Variants in C16orf95 observed in about 807,000 individuals in gnomAD.
The protein encoded by C16orf95 is uncharacterized protein C16orf95.
In C16orf95, 41 loss-of-function variants were observed where a neutral mutation model predicts 32.1. The observed-to-expected ratio is 1.28, with a 90% CI of 1.00 to 1.66. C16orf95 has a LOEUF of 1.66. Ranked by LOEUF, C16orf95 falls within the 40% of genes most tolerant of loss-of-function variation. The probability of loss-of-function intolerance (pLI) is 0.00; values close to 1 mark genes in which losing one functional copy is unlikely to be tolerated. For synonymous variants in C16orf95, 147 were observed against 128.9 expected, an observed-to-expected ratio of 1.14 and a Z score of -0.95; for missense variants, 399 against 325.9, an observed-to-expected ratio of 1.22 and a Z score of -1.73.
At chr16:87,304,921 G>A (rs1910942853) in intron 6 of C16orf95, among the ~76,000 whole-genome samples, 1 of 152,232 alleles carries the variant, frequency 6.6e-6, no homozygotes, top group Non-Finnish European at 1.5e-5. Flanking sequence ...GAGACAACGA[G>A]CAAACAAGTA....
intron 3 of C16orf95, among the ~76,000 whole-genome samples, chr16:87,311,843 A>G (rs754040532): frequency 6.6e-6 from 1 of 152,184 alleles, no homozygotes; most frequent in Non-Finnish European, 1.5e-5. Context: ...TCAGGAGTGA[A>G]TGGACAGCCC....
Position 87,311,315 on chromosome 16 carries a change from G to A in C16orf95, c.331-19C>T. The A allele has an allele frequency of 6.6e-7, 1 of 1,515,220 alleles. No individual in the cohort carries two copies. The highest frequency in any genetic ancestry group is 8.8e-7 in the Non-Finnish European group (1 of 1,131,800). 93.9% of individuals were successfully genotyped at this position (1,515,220 alleles called of 1,614,324 possible). On this transcript the variant is annotated intron_variant, in intron 3 of 6. Coordinates refer to ENST00000567970, the MANE Select transcript of C16orf95 (RefSeq NM_001195124.3). ...TTTGACTCTAACAGAGAGGATGGGA[G>A]GAGAAGATTCAGAAGGGGATGGAGC...
chr16:87,309,591 C>G (rs1268174136), intron 5 of C16orf95, among the ~76,000 whole-genome samples: 1 of 151,844 alleles, frequency 6.6e-6, no homozygotes, highest in East Asian at 1.9e-4. Flanking sequence ...ACTATGTTGC[C>G]CAGGCTGGTC....
chr16:87,305,846 G>A lies in C16orf95; in HGVS notation c.574C>T (p.Leu192=). The change falls in exon 6 of 7, where the codon CTG becomes TTG. Residue 192 remains leucine, a synonymous_variant. Transcript: ENST00000567970. This position sits in a 1 kb window ranked among gnomAD's most constrained non-coding sequence, Gnocchi z 4.2. ...NCWRICGDEC[L]LSKFQQLQAP... is the part of the protein sequence containing the mutation. Reference sequence around the variant, plus strand: ...TGGAGCTGCTGGAACTTGGACAACAGGCACTCATCACCGCAGATCCGCCAG... The same window carrying A: ...TGGAGCTGCTGGAACTTGGACAACAAGCACTCATCACCGCAGATCCGCCAG... The A allele has an allele frequency of 6.8e-7, 1 of 1,481,346 alleles. No homozygotes were observed. The highest frequency in any genetic ancestry group is 2.6e-5 in the East Asian group (1 of 37,966). The allele number at this position is 1,481,346 out of a possible 1,614,324, so 91.8% of individuals were successfully genotyped here.
chr16:87,310,270 T>C, intron 5 of C16orf95, 27 bp downstream of exon 5: 2 of 1,535,636 alleles, frequency 1.3e-6, no homozygotes, highest in Non-Finnish European at 1.7e-6. Flanking sequence ...AGGGGGATGA[T>C]ATGAGACACA....
Position 87,302,976 on chromosome 16 carries a change from C to G in C16orf95, c.*81G>C. The G allele has an allele frequency of 7.1e-7, 1 of 1,407,312 alleles. No individual in the cohort carries two copies. The highest frequency in any genetic ancestry group is 1.2e-5 in the South Asian group (1 of 81,482). 87.2% of individuals were successfully genotyped at this position (1,407,312 alleles called of 1,614,324 possible). On this transcript the variant is annotated 3_prime_UTR_variant, in exon 7 of 7. Coordinates refer to ENST00000567970, the MANE Select transcript of C16orf95 (RefSeq NM_001195124.3). ...AGAAGACAGCGACTGTCACAGACGC[C>G]TCCTGATTGGTGGACTCTCAAAGAT...
At chr16:87,310,398 T>A (rs145180618) in intron 4 of C16orf95, 65 bp from the exon 5 acceptor site, 3 of 1,492,306 alleles carry the variant, frequency 2.0e-6, no homozygotes, top group Non-Finnish European at 2.7e-6. Flanking sequence ...GGCCTGGTGA[T>A]TGGGACTCCA....
Position 87,317,251 on chromosome 16 carries a change from T to G in C16orf95, c.-9A>C. 1.3e-6 allele frequency: 2 copies of G among 1,515,104 alleles called. No homozygotes were observed. Among genetic ancestry groups the G allele is most frequent in the Non-Finnish European group, 1.8e-6 (2 of 1,135,734 alleles). 93.9% of individuals were successfully genotyped at this position (1,515,104 alleles called of 1,614,324 possible). A position where few individuals can be genotyped will look rare whatever the true frequency, so the allele number is the denominator to read the frequency against. ...GACCGGCTCGCACGCATATGGCTTCTTATGGCTGACGCGCCCTTTCACACA... is the reference window on the plus strand; with the variant it reads ...GACCGGCTCGCACGCATATGGCTTCGTATGGCTGACGCGCCCTTTCACACA... On this transcript the variant is annotated 5_prime_UTR_variant, in exon 1 of 7. Coordinates refer to ENST00000567970, the MANE Select transcript of C16orf95 (RefSeq NM_001195124.3).
At position 87,305,886 on chromosome 16, in the gene C16orf95, G is replaced by A. The variant is rs1911003220; in HGVS notation, c.534C>T (p.Cys178=). 1.4e-6 allele frequency: 2 copies of A among 1,437,630 alleles called. No individual in the cohort carries two copies. The highest frequency in any genetic ancestry group is 9.1e-7 in the Non-Finnish European group (1 of 1,098,960). 89.1% of individuals were successfully genotyped at this position (1,437,630 alleles called of 1,614,324 possible). Residue 178 remains cysteine, a synonymous_variant, in exon 6 of 7, where the codon TGC becomes TGT. Coordinates refer to ENST00000567970, the MANE Select transcript of C16orf95 (RefSeq NM_001195124.3). The surrounding 1 kb of genome is among the most constrained non-coding windows in gnomAD (Gnocchi z 4.2). ...KGIQAPLLDA[C]CWHNCWRICG... The stretch of plus-strand genomic sequence containing the variant: ...AGATCCGCCAGCAGTTGTGCCAGCA[G>A]CATGCATCCAGCAGGGGTGCTAGGC...
chr16:87,314,362 T>C (rs1194414239), intron 3 of C16orf95, among the ~76,000 whole-genome samples: 2 of 152,200 alleles, frequency 1.3e-5, no homozygotes, highest in African/African-American at 4.8e-5. Flanking sequence ...CATGATCACA[T>C]AGAAGAATCT....
Position 87,305,233 on chromosome 16 carries a change from G to A in C16orf95, c.701+486C>T, listed in dbSNP as rs1040781737. On this transcript the variant is annotated intron_variant, in intron 6 of 6. Coordinates refer to ENST00000567970, the MANE Select transcript of C16orf95 (RefSeq NM_001195124.3). The surrounding 1 kb of genome is among the most constrained non-coding windows in gnomAD (Gnocchi z 4.2). ...TGCCAGGGGCGAAACTCGAAGCCTG[G>A]GCGAGGATAGGGACTAGAGACCAGG... 6.6e-6 allele frequency among the ~76,000 whole-genome samples: 1 copy of A among 152,144 alleles called. No individual in the cohort carries two copies. The highest frequency in any genetic ancestry group is 1.5e-5 in the Non-Finnish European group (1 of 68,018).
At chr16:87,309,131 C>A (rs1189314080) in intron 5 of C16orf95, among the ~76,000 whole-genome samples, 1 of 152,036 alleles carries the variant, frequency 6.6e-6, no homozygotes. Flanking sequence ...TACCATTGTT[C>A]CACTCAAACT....
At chr16:87,308,341 C>G (rs1326168571) in intron 5 of C16orf95, among the ~76,000 whole-genome samples, 1 of 151,936 alleles carries the variant, frequency 6.6e-6, no homozygotes, top group Non-Finnish European at 1.5e-5. Flanking sequence ...ATTAGCCAGG[C>G]ATGGTGGCAC....
intron 4 of C16orf95, among the ~76,000 whole-genome samples, chr16:87,310,807 G>C (rs931985368): frequency 2.5e-4 from 38 of 152,322 alleles, no homozygotes; most frequent in African/African-American, 5.8e-4. Context: ...GAGGCAGGGA[G>C]GTGAGAGAGG....
chr16:87,306,357 T>A (rs1288590004), intron 5 of C16orf95, among the ~76,000 whole-genome samples: 1 of 152,194 alleles, frequency 6.6e-6, no homozygotes, highest in Non-Finnish European at 1.5e-5. Context: ...CAAGCACGGA[T>A]GGAATTCCAA....
intron 5 of C16orf95, among the ~76,000 whole-genome samples, chr16:87,309,155 G>T (rs1911159137): frequency 6.6e-6 from 1 of 152,064 alleles, no homozygotes; most frequent in Non-Finnish European, 1.5e-5. Flanking sequence ...CCATAAATGT[G>T]ATGTTTGTTT....
At chr16:87,311,129 C>G (rs1911264563) in intron 4 of C16orf95, 21 bp downstream of exon 4, 1 of 1,497,058 alleles carries the variant, frequency 6.7e-7, no homozygotes, top group Admixed American at 2.1e-5. Context: ...GTTCTCACTG[C>G]AGTGTGCGCC....
chr16:87,310,417 G>A, intron 4 of C16orf95, 84 bp from the exon 5 acceptor site: 1 of 1,364,664 alleles, frequency 7.3e-7, no homozygotes, highest in Non-Finnish European at 1.0e-6. Context: ...CAAACCTCCA[G>A]GAGGGGCACT....
In C16orf95 at chr16:87,305,755, A is replaced by G; in HGVS notation, c.665T>C (p.Leu222Pro). The change falls in exon 6 of 7, where the codon CTC becomes CCC. Residue 222 changes from leucine (L) to proline (P), a missense_variant. Coordinates refer to ENST00000567970, the MANE Select transcript of C16orf95 (RefSeq NM_001195124.3). The surrounding 1 kb of genome is among the most constrained non-coding windows in gnomAD (Gnocchi z 4.2). ...ARLLPLGLLT[L>P]LQAIPRVIMA... is the part of the protein sequence containing the mutation. The stretch of plus-strand genomic sequence containing the variant: ...GATGACCCTCGGGATGGCCTGGAGG[A>G]GGGTCAGGAGGCCGAGGGGCAGCAG... The G allele has an allele frequency of 6.6e-7, 1 of 1,516,846 alleles. No homozygotes were observed. The allele number at this position is 1,516,846 out of a possible 1,614,324, so 94.0% of individuals were successfully genotyped here.
Sources: gnomAD v4.1 joint callset for allele counts (sites outside exome capture counted in the v4.1 genomes callset) on GRCh38, gnomAD v4.1.1 for gene constraint, Gnocchi (gnomAD v3.1) non-coding constraint, MANE v1.5 for transcripts, NCBI Gene and HGNC (gene_info 2026-07-23, HGNC 2026-07-21) for gene names.